The following XPR1 variants were observed in gnomAD, a reference collection of about 807,000 sequenced individuals.
XPR1 encodes solute carrier family 53 member 1.
XPR1 carries 28 observed loss-of-function variants against 87.5 expected under a neutral mutation model. The ratio of observed to expected loss-of-function variants is 0.32; its 90% CI spans 0.24 to 0.44. The LOEUF is 0.44. XPR1 is among the 20% of genes least tolerant of loss of function. XPR1 has a pLI of 1.00. For missense variants in XPR1, 559 were observed against 862.3 expected, an observed-to-expected ratio of 0.65 and a Z score of 4.41; for synonymous variants, 300 against 306.1, an observed-to-expected ratio of 0.98 and a Z score of 0.21.
chr1:180,852,217 T>G (rs1363045436), intron 11 of XPR1, among the ~76,000 whole-genome samples: 1 of 152,188 alleles, frequency 6.6e-6, no homozygotes, highest in Non-Finnish European at 1.5e-5. Context: ...TTTTTTTTAA[T>G]TAAACATTTT....
chr1:180,704,595 G>T (rs1221266103), intron 2 of XPR1, among the ~76,000 whole-genome samples: 1 of 151,230 alleles, frequency 6.6e-6, no homozygotes, highest in Non-Finnish European at 1.5e-5. Context: ...AATATATTTG[G>T]TATATTTTGG....
intron 11 of XPR1, among the ~76,000 whole-genome samples, chr1:180,853,018 C>T (rs1651914710): frequency 6.6e-6 from 1 of 152,164 alleles, no homozygotes; most frequent in Non-Finnish European, 1.5e-5. Context: ...GCAGCCTCCA[C>T]CCGTTGGGTT....
intron 13 of XPR1, among the ~76,000 whole-genome samples, chr1:180,874,756 A>G (rs1204929952): frequency 1.3e-5 from 2 of 152,200 alleles, no homozygotes; most frequent in African/African-American, 4.8e-5. Flanking sequence ...CTAAATGAAA[A>G]CAGGAGCCCC....
chr1:180,643,730 T>A (rs1338057333), intron 1 of XPR1, among the ~76,000 whole-genome samples: 1 of 152,144 alleles, frequency 6.6e-6, no homozygotes, highest in Non-Finnish European at 1.5e-5. Flanking sequence ...TCCATTTTTT[T>A]ATCACTGTGG....
chr1:180,815,174 TATC>T (rs1464502411), intron 7 of XPR1, among the ~76,000 whole-genome samples: 13 of 152,240 alleles, frequency 8.5e-5, no homozygotes, highest in Non-Finnish European at 1.8e-4. Context: ...ATGGTGGTAT[TATC>T]ATCATTAAAA....
chr1:180,849,307 A>G (rs1651792153), intron 11 of XPR1, among the ~76,000 whole-genome samples: 1 of 152,226 alleles, frequency 6.6e-6, no homozygotes, highest in Non-Finnish European at 1.5e-5. Flanking sequence ...GTAAGTAGCA[A>G]AACCAGAATT....
intron 7 of XPR1, among the ~76,000 whole-genome samples, chr1:180,812,660 T>TG (rs1650262525): frequency 6.6e-6 from 1 of 151,588 alleles, no homozygotes; most frequent in Admixed American, 6.6e-5. Context: ...TTTTTTTTTT[T>TG]TTTTTTGACA....
At chr1:180,844,889 A>G (rs1002350651) in intron 11 of XPR1, among the ~76,000 whole-genome samples, 2 of 152,318 alleles carry the variant, frequency 1.3e-5, no homozygotes, top group African/African-American at 4.8e-5. Flanking sequence ...TCCAAAGGCC[A>G]TTGCAACTGC....
intron 2 of XPR1, among the ~76,000 whole-genome samples, chr1:180,748,286 C>T (rs931384563): frequency 6.6e-6 from 1 of 151,496 alleles, no homozygotes; most frequent in African/African-American, 2.4e-5. Context: ...TAAACACAAC[C>T]ATTAATAAGA....
chr1:180,703,304 G>A (rs565243239), intron 2 of XPR1, among the ~76,000 whole-genome samples: 1 of 152,106 alleles, frequency 6.6e-6, no homozygotes, highest in Non-Finnish European at 1.5e-5. Context: ...AAGCAGTGGT[G>A]GTGATGGGTG....
chr1:180,659,682 C>G (rs1166333938), intron 1 of XPR1, among the ~76,000 whole-genome samples: 1 of 148,864 alleles, frequency 6.7e-6, no homozygotes, highest in African/African-American at 2.5e-5. Context: ...CCATGCCTGG[C>G]TAATTTTTGT....
At chr1:180,777,758 A>T (rs1057410837) in intron 2 of XPR1, among the ~76,000 whole-genome samples, 2 of 152,160 alleles carry the variant, frequency 1.3e-5, no homozygotes, top group Non-Finnish European at 2.9e-5. Context: ...TTTTTTTGGT[A>T]CAAGCATGAA....
intron 1 of XPR1, among the ~76,000 whole-genome samples, chr1:180,671,559 C>T (rs1432076552): frequency 6.6e-6 from 1 of 152,120 alleles, no homozygotes; most frequent in African/African-American, 2.4e-5. Flanking sequence ...GAGTCTCGTC[C>T]TGTCACCCAG....
chr1:180,763,792 T>C (rs4439326), intron 2 of XPR1, among the ~76,000 whole-genome samples: 34,986 of 152,102 alleles, frequency 0.23, 4,126 homozygotes, highest in Middle Eastern at 0.29. Flanking sequence ...GGAAACACTT[T>C]AAAAAGCCAT....
intron 1 of XPR1, among the ~76,000 whole-genome samples, chr1:180,665,362 G>GT (rs1158838762): frequency 1.3e-5 from 2 of 152,156 alleles, no homozygotes; most frequent in Non-Finnish European, 2.9e-5. Context: ...GAGATTTTGG[G>GT]TGGGGGACAC....
intron 1 of XPR1, among the ~76,000 whole-genome samples, chr1:180,660,359 C>G (rs1167670946): frequency 6.6e-6 from 1 of 151,782 alleles, no homozygotes; most frequent in Non-Finnish European, 1.5e-5. Flanking sequence ...TATTTCTGTT[C>G]TGATCTTTAT....
intron 1 of XPR1, among the ~76,000 whole-genome samples, chr1:180,659,420 CTTCCTTCCTTCCTTCCTTCT>C (rs1343532725): frequency 8.1e-6 from 1 of 123,992 alleles, no homozygotes; most frequent in Non-Finnish European, 1.6e-5. Context: ...TCCTTCCTTC[CTTCCTTCCTTCCTTCCTTCT>C]TCCCTCCTTC....
chr1:180,864,591 ATTTG>A (rs1056328799), intron 12 of XPR1, among the ~76,000 whole-genome samples: 142 of 152,290 alleles, frequency 9.3e-4, no homozygotes, highest in African/African-American at 3.2e-3. Flanking sequence ...TTCATCTAAT[ATTTG>A]TTAAAATCAA....
chr1:180,638,073 CT>C (rs1416401870), intron 1 of XPR1, among the ~76,000 whole-genome samples: 3 of 151,640 alleles, frequency 2.0e-5, no homozygotes, highest in African/African-American at 4.9e-5. Flanking sequence ...ATTTAAAAAA[CT>C]TTTTTGTTTT....
Sources: allele counts gnomAD v4.1 joint callset (sites outside exome capture counted in the v4.1 genomes callset), GRCh38; gene constraint gnomAD v4.1.1; transcripts MANE v1.5; gene names NCBI Gene and HGNC (gene_info 2026-07-23, HGNC 2026-07-21).